The following TBC1D5 variants were observed in gnomAD, a reference collection of about 807,000 sequenced individuals.
TBC1D5 encodes the protein TBC1 domain family, member 5.
A neutral mutation model predicts 100.3 loss-of-function variants in TBC1D5; 75 were observed. The ratio of observed to expected loss-of-function variants is 0.75; its 90% CI spans 0.62 to 0.91. TBC1D5 has a LOEUF of 0.91. TBC1D5 is among the 40% of genes least tolerant of loss of function. The pLI, the probability that TBC1D5 is intolerant of heterozygous loss-of-function variation, is 0.00. For synonymous variants in TBC1D5, 323 were observed against 325.6 expected (o/e 0.99, Z 0.09); for missense variants, 910 against 942.4 (o/e 0.97, Z 0.45).
intron 4 of TBC1D5, among the ~76,000 whole-genome samples, chr3:17,426,124 G>C (rs1397850168): frequency 6.6e-6 from 1 of 152,094 alleles, no homozygotes; most frequent in East Asian, 1.9e-4. Flanking sequence ...TCATGCAAAA[G>C]GACATCTGAG....
chr3:17,505,530 T>A (rs535365181), intron 3 of TBC1D5, among the ~76,000 whole-genome samples: 1 of 152,222 alleles, frequency 6.6e-6, no homozygotes, highest in East Asian at 1.9e-4. Context: ...TAACAAAGGA[T>A]CCCCTACAGA....
chr3:17,308,776 T>C lies in TBC1D5; in HGVS notation c.996-642A>G, dbSNP rs140588843. On this transcript the variant is annotated intron_variant, in intron 13 of 21. Coordinates refer to ENST00000253692, the Ensembl canonical transcript of TBC1D5. Reference sequence around the variant, plus strand: ...AAGGCTACCTTTCGAGGAGTGTTTTTCAAACTTACTTCTATTATCTAGAAA... The same window carrying C: ...AAGGCTACCTTTCGAGGAGTGTTTTCCAAACTTACTTCTATTATCTAGAAA... 2.5e-3 allele frequency among the ~76,000 whole-genome samples: 385 copies of C among 152,252 alleles called. 1 individual carries two copies. The highest frequency in any genetic ancestry group is 4.0e-3 in the Non-Finnish European group (270 of 67,984).
chr3:17,432,084 T>A (rs1057304462), intron 3 of TBC1D5, among the ~76,000 whole-genome samples: 1 of 152,152 alleles, frequency 6.6e-6, no homozygotes, highest in African/African-American at 2.4e-5. Context: ...AACATCAAGT[T>A]TTAGACTATC....
chr3:17,720,772 G>A (rs775064497), intron 1 of TBC1D5, among the ~76,000 whole-genome samples: 7 of 151,986 alleles, frequency 4.6e-5, no homozygotes, highest in Admixed American at 3.3e-4. Flanking sequence ...AAGTGATAGC[G>A]CCACTACCCT....
At chr3:17,371,944 G>A in intron 13 of TBC1D5, 131 bp downstream of exon 13, 1 of 765,236 alleles carries the variant, frequency 1.3e-6, no homozygotes, top group Non-Finnish European at 1.9e-6. Flanking sequence ...AGCTGAGATG[G>A]GAGGATCGCT....
At chr3:17,389,462 G>A (rs1384800828) in intron 8 of TBC1D5, among the ~76,000 whole-genome samples, 1 of 152,104 alleles carries the variant, frequency 6.6e-6, no homozygotes, top group Non-Finnish European at 1.5e-5. Flanking sequence ...CACAGCTTCT[G>A]TCTGGCTCTC....
At chr3:17,647,331 G>A (rs2065104584) in intron 1 of TBC1D5, among the ~76,000 whole-genome samples, 1 of 152,068 alleles carries the variant, frequency 6.6e-6, no homozygotes, top group South Asian at 2.1e-4. Context: ...TTAAACAGCT[G>A]ATAAACAAAC....
chr3:17,537,203 A>G (rs2096290818), intron 2 of TBC1D5, among the ~76,000 whole-genome samples: 1 of 152,240 alleles, frequency 6.6e-6, no homozygotes, highest in Non-Finnish European at 1.5e-5. Context: ...GCTATACCAG[A>G]GTCAGCTTGG....
chr3:17,516,512 T>C (rs960359805), intron 2 of TBC1D5, among the ~76,000 whole-genome samples: 2 of 152,184 alleles, frequency 1.3e-5, no homozygotes, highest in African/African-American at 2.4e-5. Context: ...CAGCAGAAAT[T>C]GTCATTCACC....
chr3:17,652,953 G>A (rs139622248), intron 1 of TBC1D5, among the ~76,000 whole-genome samples: 146 of 152,238 alleles, frequency 9.6e-4, no homozygotes, highest in Middle Eastern at 3.4e-3. Flanking sequence ...TATATACAAC[G>A]ACATATTGTT....
intron 4 of TBC1D5, among the ~76,000 whole-genome samples, chr3:17,409,682 A>G (rs954142816): frequency 6.6e-6 from 1 of 152,136 alleles, no homozygotes; most frequent in Non-Finnish European, 1.5e-5. Flanking sequence ...GATACAGAGA[A>G]AGTTTGAATG....
At chr3:17,236,979 G>A (rs1391572299) in intron 17 of TBC1D5, among the ~76,000 whole-genome samples, 2 of 152,078 alleles carry the variant, frequency 1.3e-5, no homozygotes, top group Non-Finnish European at 2.9e-5. Flanking sequence ...TGTATCATTG[G>A]GAAAGAAAGT....
intron 2 of TBC1D5, among the ~76,000 whole-genome samples, chr3:17,517,630 A>T (rs938673464): frequency 6.6e-6 from 1 of 152,206 alleles, no homozygotes; most frequent in East Asian, 1.9e-4. Context: ...TTTTTTGATT[A>T]TAAAAGCAGA....
At chr3:17,425,699 CA>C in intron 4 of TBC1D5, among the ~76,000 whole-genome samples, 1 of 152,226 alleles carries the variant, frequency 6.6e-6, no homozygotes, top group South Asian at 2.1e-4. Flanking sequence ...CATAATAATA[CA>C]AACAGTGGAA....
At chr3:17,487,467 G>A (rs536703986) in intron 3 of TBC1D5, among the ~76,000 whole-genome samples, 13 of 152,146 alleles carry the variant, frequency 8.5e-5, no homozygotes, top group Non-Finnish European at 1.5e-4. Context: ...TACAAGAACT[G>A]TTAAATGAAA....
At chr3:17,721,924 G>A (rs1304075012) in intron 1 of TBC1D5, among the ~76,000 whole-genome samples, 1 of 151,990 alleles carries the variant, frequency 6.6e-6, no homozygotes, top group Non-Finnish European at 1.5e-5. Flanking sequence ...AGAGATTGCA[G>A]TGAGCCGAGA....
chr3:17,526,479 A>G (rs1226632091), intron 2 of TBC1D5, among the ~76,000 whole-genome samples: 1 of 152,136 alleles, frequency 6.6e-6, no homozygotes, highest in Non-Finnish European at 1.5e-5. Context: ...CATGAGCCAC[A>G]ACGCTTGGCC....
chr3:17,279,013 T>A (rs144690799), intron 15 of TBC1D5, among the ~76,000 whole-genome samples: 1 of 152,352 alleles, frequency 6.6e-6, no homozygotes, highest in East Asian at 1.9e-4. Context: ...ATTATCCACA[T>A]CATGAATTTC....
intron 1 of TBC1D5, among the ~76,000 whole-genome samples, chr3:17,684,314 A>G (rs1005028454): frequency 1.3e-5 from 2 of 152,108 alleles, no homozygotes; most frequent in African/African-American, 4.8e-5. Flanking sequence ...CATATATTCA[A>G]TATTTCAAAA....
Sources: allele counts gnomAD v4.1 joint callset (sites outside exome capture counted in the v4.1 genomes callset), GRCh38; gene constraint gnomAD v4.1.1; transcripts MANE v1.5; gene names NCBI Gene and HGNC (gene_info 2026-07-23, HGNC 2026-07-21).